Variants in SUSD5 observed in about 807,000 individuals in gnomAD.
SUSD5 encodes sushi domain-containing protein 5.
A neutral mutation model predicts 29.5 loss-of-function variants in SUSD5; 33 were observed. The observed-to-expected ratio is 1.12, with a 90% CI of 0.85 to 1.49. The LOEUF (loss-of-function observed/expected upper bound fraction) is 1.49. Ranked by LOEUF, SUSD5 falls within the 40% of genes most tolerant of loss-of-function variation. SUSD5 has a pLI of 0.00. For missense variants in SUSD5, 776 were observed against 800.6 expected (o/e 0.97, Z 0.37); for synonymous variants, 308 against 325.3 (o/e 0.95, Z 0.57).
intron 3 of SUSD5, among the ~76,000 whole-genome samples, chr3:33,179,498 T>C (rs924948744): frequency 1.3e-5 from 2 of 152,198 alleles, no homozygotes; most frequent in African/African-American, 2.4e-5. Flanking sequence ...CCTCTCTGTG[T>C]AGCATTATTT....
Position 33,167,710 on chromosome 3 carries a change from T to C in SUSD5, c.598+7176A>G, listed in dbSNP as rs2031333670. On this transcript the variant is annotated intron_variant, in intron 4 of 4. Coordinates refer to ENST00000309558, the MANE Select transcript of SUSD5 (RefSeq NM_015551.2). This position sits in a 1 kb window ranked among gnomAD's most constrained non-coding sequence, Gnocchi z 4.1. ...TGAAGAAGTATCCAAAGCTTATTTT[T>C]CTCCCCATGGGGAACAGTAACATTT... Among the ~76,000 whole-genome samples the C allele has an allele frequency of 6.6e-6, 1 of 152,172 alleles. No homozygotes were observed. The highest frequency in any genetic ancestry group is 2.1e-4 in the South Asian group (1 of 4,830).
intron 3 of SUSD5, among the ~76,000 whole-genome samples, chr3:33,193,611 C>A (rs4446172): frequency 0.73 from 110,379 of 151,858 alleles, 40,282 homozygotes; most frequent in East Asian, 0.83. Context: ...TTTGAGATTA[C>A]CAGGCATTTA....
intron 3 of SUSD5, among the ~76,000 whole-genome samples, chr3:33,197,491 A>G (rs2032017289): frequency 6.6e-6 from 1 of 152,154 alleles, no homozygotes; most frequent in Admixed American, 6.5e-5. Context: ...AATAAAATTC[A>G]TCAATTTTAA....
At chr3:33,206,195 G>T (rs1003303560) in intron 3 of SUSD5, among the ~76,000 whole-genome samples, 2 of 152,068 alleles carry the variant, frequency 1.3e-5, no homozygotes, top group Non-Finnish European at 2.9e-5. Flanking sequence ...CCAATATGGT[G>T]AAACCACGTC....
At position 33,152,706 on chromosome 3, in the gene SUSD5, C is replaced by A. The variant is rs1339668581; in HGVS notation, c.*36G>T. The A allele has an allele frequency of 5.1e-6, 8 of 1,555,074 alleles. No individual in the cohort carries two copies. In the South Asian group the frequency reaches 9.9e-5, roughly 19 times the overall value. ...TGTGATGTGTCACAGTTATTTTCCT[C>A]CCAAGTGGCTTTGGGAGAACCCACT... On this transcript the variant is annotated 3_prime_UTR_variant, in exon 5 of 5. Coordinates refer to ENST00000309558, the MANE Select transcript of SUSD5 (RefSeq NM_015551.2).
intron 3 of SUSD5, among the ~76,000 whole-genome samples, chr3:33,206,412 AGTGTGTGTGTGTGTGTGTGTGT>A (rs5847777): frequency 0.023 from 3,370 of 148,674 alleles, 69 homozygotes; most frequent in East Asian, 0.082. Flanking sequence ...AATTTACTTG[AGTGTGTGTGTGTGTGTGTGTGT>A]GTGTGTGTGT....
chr3:33,196,997 T>G (rs1234663672), intron 3 of SUSD5, among the ~76,000 whole-genome samples: 2 of 152,232 alleles, frequency 1.3e-5, no homozygotes, highest in Non-Finnish European at 2.9e-5. Flanking sequence ...AGTAAATTCC[T>G]GCAGTGCTGT....
At chr3:33,191,845 T>A (rs4678752) in intron 3 of SUSD5, among the ~76,000 whole-genome samples, 90,433 of 151,892 alleles carry the variant, frequency 0.6, 27,137 homozygotes, top group South Asian at 0.66. Flanking sequence ...CTCAGGCAGC[T>A]GAGGTGGGAG....
chr3:33,194,987 G>C (rs139032205), intron 3 of SUSD5, among the ~76,000 whole-genome samples: 2,296 of 152,256 alleles, frequency 0.015, 53 homozygotes, highest in African/African-American at 0.052. Flanking sequence ...CTGAGGTCAC[G>C]AGTTCAAGAC....
At chr3:33,186,792 G>T (rs937399726) in intron 3 of SUSD5, among the ~76,000 whole-genome samples, 11 of 152,134 alleles carry the variant, frequency 7.2e-5, no homozygotes, top group Non-Finnish European at 7.3e-5. Flanking sequence ...GAATGAAGAA[G>T]TGTGTGGCTG....
chr3:33,199,293 A>T (rs2032060646), intron 3 of SUSD5, among the ~76,000 whole-genome samples: 1 of 151,490 alleles, frequency 6.6e-6, no homozygotes, highest in African/African-American at 2.4e-5. Flanking sequence ...TTTTTTTTTG[A>T]GACGGAGTCT....
intron 4 of SUSD5, among the ~76,000 whole-genome samples, chr3:33,155,601 C>T (rs1470510132): frequency 3.3e-5 from 5 of 152,114 alleles, no homozygotes; most frequent in East Asian, 1.9e-4. Flanking sequence ...CCAAAAGACA[C>T]GCCTAAGAAT....
At chr3:33,169,135 G>T (rs2031367932) in intron 4 of SUSD5, among the ~76,000 whole-genome samples, 1 of 152,208 alleles carries the variant, frequency 6.6e-6, no homozygotes, top group Non-Finnish European at 1.5e-5. Context: ...AGGGGCACAA[G>T]GAAACTTGGG....
intron 4 of SUSD5, among the ~76,000 whole-genome samples, chr3:33,174,652 T>A (rs1184568243): frequency 1.3e-5 from 2 of 152,200 alleles, no homozygotes; most frequent in Non-Finnish European, 2.9e-5. Flanking sequence ...GATTTTAACT[T>A]GTTAACCCTT....
chr3:33,173,574 C>T (rs1437905080), intron 4 of SUSD5, among the ~76,000 whole-genome samples: 4 of 152,210 alleles, frequency 2.6e-5, no homozygotes, highest in African/African-American at 7.2e-5. Context: ...CAGGCAACAA[C>T]GTGAATGAAT....
At chr3:33,203,710 T>C (rs1262264721) in intron 3 of SUSD5, among the ~76,000 whole-genome samples, 2 of 152,202 alleles carry the variant, frequency 1.3e-5, no homozygotes, top group African/African-American at 4.8e-5. Context: ...ACTCTGCCTC[T>C]GGAACACATC....
At chr3:33,201,987 C>A (rs562589550) in intron 3 of SUSD5, among the ~76,000 whole-genome samples, 3 of 152,218 alleles carry the variant, frequency 2.0e-5, no homozygotes, top group Non-Finnish European at 4.4e-5. Flanking sequence ...TCTTACCTAT[C>A]GTGATACACC....
intron 3 of SUSD5, among the ~76,000 whole-genome samples, chr3:33,196,398 T>C (rs570140375): frequency 3.3e-5 from 5 of 152,354 alleles, no homozygotes; most frequent in African/African-American, 1.2e-4. Flanking sequence ...GGTTGGGCTA[T>C]GGTCCATGAA....
Position 33,207,736 on chromosome 3 carries a change from G to T in SUSD5, c.409+72C>A, listed in dbSNP as rs535823771. Reference sequence around the variant, plus strand: ...ATCCTCACTTCAAGGTTTTCTTCTAGAGAAACCAACCTCATATAGCAATCC... The same window carrying T: ...ATCCTCACTTCAAGGTTTTCTTCTATAGAAACCAACCTCATATAGCAATCC... On this transcript the variant is annotated intron_variant, in intron 3 of 4. Coordinates refer to ENST00000309558, the MANE Select transcript of SUSD5 (RefSeq NM_015551.2). The T allele has an allele frequency of 5.8e-6, 6 of 1,031,892 alleles. No homozygotes were observed. In the African/African-American group the frequency reaches 6.6e-5, roughly 11 times the overall value. 63.9% of individuals were successfully genotyped at this position (1,031,892 alleles called of 1,614,324 possible). A position where few individuals can be genotyped will look rare whatever the true frequency, so the allele number is the denominator to read the frequency against.
Sources: allele counts gnomAD v4.1 joint callset (sites outside exome capture counted in the v4.1 genomes callset), GRCh38; gene constraint gnomAD v4.1.1; non-coding constraint Gnocchi (gnomAD v3.1); transcripts MANE v1.5; gene names NCBI Gene and HGNC (gene_info 2026-07-23, HGNC 2026-07-21).